TLL1: variants seen among roughly 807,000 people sequenced by gnomAD.
TLL1 encodes the protein tolloid-like protein 1.
In TLL1, 49 loss-of-function variants were observed where a neutral mutation model predicts 128.2. That is an observed-to-expected ratio of 0.38 (90% CI 0.30 to 0.48). The LOEUF is 0.48. Among genes scored for constraint, TLL1 ranks in the 20% least tolerant of loss-of-function variants. The pLI is 0.96. For synonymous variants in TLL1, 454 were observed against 418.8 expected, an observed-to-expected ratio of 1.08 and a Z score of -1.03; for missense variants, 1,123 against 1,242.0, an observed-to-expected ratio of 0.90 and a Z score of 1.44.
At chr4:165,986,840 AATTTT>A (rs904709107) in intron 1 of TLL1, among the ~76,000 whole-genome samples, 6 of 152,180 alleles carry the variant, frequency 3.9e-5, no homozygotes, top group South Asian at 2.1e-4. Flanking sequence ...AACATATTTG[AATTTT>A]ATTTTATGTG....
chr4:166,022,514 A>T (rs1393362499), intron 8 of TLL1, among the ~76,000 whole-genome samples: 1 of 152,144 alleles, frequency 6.6e-6, no homozygotes, highest in Non-Finnish European at 1.5e-5. Flanking sequence ...CCTAATACAA[A>T]TTATTGTGTG....
At chr4:165,950,927 G>A (rs775757173) in intron 1 of TLL1, among the ~76,000 whole-genome samples, 2 of 152,026 alleles carry the variant, frequency 1.3e-5, no homozygotes, top group Non-Finnish European at 2.9e-5. Flanking sequence ...ATTTAAGCTC[G>A]AAAGAGACAG....
intron 8 of TLL1, among the ~76,000 whole-genome samples, chr4:166,015,987 A>G (rs970840828): frequency 6.6e-6 from 1 of 152,066 alleles, no homozygotes; most frequent in Non-Finnish European, 1.5e-5. Flanking sequence ...TAATGATTCA[A>G]TAATGAAAGT....
intron 5 of TLL1, 55 bp downstream of exon 5, chr4:165,995,233 C>G: frequency 4.9e-6 from 6 of 1,217,322 alleles, no homozygotes; most frequent in Non-Finnish European, 7.3e-6. Flanking sequence ...AAAAGGAAAA[C>G]AATTAAATGT....
At chr4:166,092,110 A>T (rs977553906) in intron 19 of TLL1, among the ~76,000 whole-genome samples, 4 of 152,068 alleles carry the variant, frequency 2.6e-5, no homozygotes, top group African/African-American at 9.6e-5. Context: ...GGCATTGCTG[A>T]TGCATAAACG....
At chr4:166,051,303 C>CTTCCTTCCTTCCTTCCCTCCCTCCT (rs1553964949) in intron 12 of TLL1, among the ~76,000 whole-genome samples, 8 of 94,360 alleles carry the variant, frequency 8.5e-5, no homozygotes, top group Non-Finnish European at 1.5e-4. Context: ...CCCTCCTTTC[C>CTTCCTTCCTTCCTTCCCTCCCTCCT]TTCCTTCCTT....
At position 165,994,421 on chromosome 4, in the gene TLL1, A is replaced by G. The variant is rs1736771054; in HGVS notation, c.402A>G (p.Leu134=). 3.1e-6 allele frequency: 5 copies of G among 1,613,968 alleles called. No individual in the cohort carries two copies. The highest frequency in any genetic ancestry group is 4.2e-6 in the Non-Finnish European group (5 of 1,179,954). ...QNNTVKGKVP[L]QFSGQNEKNR... Reference sequence around the variant, plus strand: ...ACACAGTTAAGGGAAAAGTACCTCTACAATTCTCAGGGCAAAATGAGAAAA... The same window carrying G: ...ACACAGTTAAGGGAAAAGTACCTCTGCAATTCTCAGGGCAAAATGAGAAAA... Residue 134 remains leucine, a synonymous_variant, in exon 4 of 21, where the codon CTA becomes CTG. Transcript: ENST00000061240.
rs1730609699 is a variant in TLL1, at chr4:165,874,006, T to A, written c.102T>A (p.Asp34Glu). Residue 34 changes from aspartate (D) to glutamate (E), a missense_variant, in exon 1 of 21, where the codon GAT becomes GAA. Asp to Glu is a conservative substitution (Grantham distance 45, BLOSUM62 2). Coordinates refer to ENST00000061240, the MANE Select transcript of TLL1 (RefSeq NM_012464.5). ...ELWVCAGLDY[D>E]YTFDGNEEDK... is the part of the protein sequence containing the mutation. ...GGGTCTGCGCTGGCCTCGATTATGA[T>A]TACACTTTTGATGGGAACGAAGAGG... 6.2e-7 allele frequency: 1 copy of A among 1,613,970 alleles called. No individual in the cohort carries two copies. Among genetic ancestry groups the A allele is most frequent in the African/African-American group, 1.3e-5 (1 of 74,910 alleles).
chr4:166,000,029 G>T (rs1737075848), intron 5 of TLL1, among the ~76,000 whole-genome samples: 1 of 152,150 alleles, frequency 6.6e-6, no homozygotes, highest in Non-Finnish European at 1.5e-5. Flanking sequence ...AGCAGATTTT[G>T]ATTTACCTGA....
At chr4:165,921,717 A>C (rs546609316) in intron 1 of TLL1, among the ~76,000 whole-genome samples, 1 of 152,370 alleles carries the variant, frequency 6.6e-6, no homozygotes, top group South Asian at 2.1e-4. Context: ...TTTGGTCCCC[A>C]AGGAGTGATA....
chr4:166,061,398 C>A (rs369502632), intron 15 of TLL1, among the ~76,000 whole-genome samples: 2 of 151,818 alleles, frequency 1.3e-5, no homozygotes, highest in African/African-American at 4.8e-5. Flanking sequence ...AGGCATGCGC[C>A]ACCACACCCA....
chr4:166,005,351 G>A (rs1737369607), intron 6 of TLL1, among the ~76,000 whole-genome samples: 1 of 151,662 alleles, frequency 6.6e-6, no homozygotes, highest in Non-Finnish European at 1.5e-5. Context: ...CACTAATTAG[G>A]GAAAAACTGG....
chr4:165,961,820 C>G (rs995492124), intron 1 of TLL1, among the ~76,000 whole-genome samples: 1 of 152,086 alleles, frequency 6.6e-6, no homozygotes, highest in African/African-American at 2.4e-5. Context: ...GAAATTAACT[C>G]AAGATGGATT....
intron 1 of TLL1, among the ~76,000 whole-genome samples, chr4:165,882,747 T>C (rs1326340279): frequency 6.6e-6 from 1 of 151,988 alleles, no homozygotes; most frequent in East Asian, 2.0e-4. Flanking sequence ...GCCTCCCGAG[T>C]AGCTGGGATT....
intron 5 of TLL1, among the ~76,000 whole-genome samples, chr4:165,996,571 C>T (rs1736885863): frequency 6.6e-6 from 1 of 151,698 alleles, no homozygotes; most frequent in Admixed American, 6.6e-5. Flanking sequence ...TGCACTCCAG[C>T]CTGTGCAACA....
Position 165,995,164 on chromosome 4 carries a change from C to T in TLL1, c.618C>T (p.Thr206=), listed in dbSNP as rs1250401576. The part of the protein sequence containing the change: ...RSDEESYIVF[T]YRPCGCCSYV... ...ATGAAGAGAGTTACATTGTATTCAC[C>T]TATAGGCCTTGTGGGTAAGTAGAAC... The change falls in exon 5 of 21, where the codon ACC becomes ACT. Residue 206 remains threonine, a synonymous_variant. Transcript: ENST00000061240. 6 of 1,612,756 alleles carry T rather than the reference C, an allele frequency of 3.7e-6. No individual in the cohort carries two copies. In the South Asian group the frequency reaches 6.6e-5, roughly 18 times the overall value.
At chr4:166,020,338 G>T (rs1235819585) in intron 8 of TLL1, among the ~76,000 whole-genome samples, 1 of 137,944 alleles carries the variant, frequency 7.2e-6, no homozygotes, top group Non-Finnish European at 1.5e-5. Flanking sequence ...CATGTACTGT[G>T]ACAACAGTAT....
chr4:165,934,772 T>C (rs1236175154), intron 1 of TLL1, among the ~76,000 whole-genome samples: 2 of 152,238 alleles, frequency 1.3e-5, no homozygotes, highest in Admixed American at 6.5e-5. Context: ...AGGAAACTGA[T>C]ACATTTTAAC....
intron 16 of TLL1, among the ~76,000 whole-genome samples, chr4:166,067,166 C>CAT: frequency 6.6e-6 from 1 of 151,846 alleles, no homozygotes; most frequent in South Asian, 2.1e-4. Context: ...AACCTGCACA[C>CAT]ATCCCACATG....
Sources: allele counts gnomAD v4.1 joint callset (sites outside exome capture counted in the v4.1 genomes callset), GRCh38; gene constraint gnomAD v4.1.1; transcripts MANE v1.5; gene names NCBI Gene and HGNC (gene_info 2026-07-23, HGNC 2026-07-21).